ROBO2: variants seen among roughly 807,000 people sequenced by gnomAD.
ROBO2 encodes roundabout homolog 2.
Under a neutral mutation model 160.8 loss-of-function variants are expected in ROBO2, and 53 were observed. The ratio of observed to expected loss-of-function variants is 0.33; its 90% CI spans 0.26 to 0.41. ROBO2 has a LOEUF of 0.41. Ranked by LOEUF, ROBO2 falls within the 10% of genes least tolerant of loss-of-function variation. The probability of loss-of-function intolerance (pLI) is 1.00; values close to 1 mark genes in which losing one functional copy is unlikely to be tolerated. For synonymous variants in ROBO2, 664 were observed against 611.7 expected (o/e 1.09, Z -1.26); for missense variants, 1,577 against 1,722.4 (o/e 0.92, Z 1.49).
chr3:76,208,811 A>G (rs555344942), intron 2 of ROBO2, among the ~76,000 whole-genome samples: 72 of 152,254 alleles, frequency 4.7e-4, no homozygotes, highest in Middle Eastern at 6.8e-3. Context: ...AATGGCACGG[A>G]CATCTACCTA....
intron 1 of ROBO2, among the ~76,000 whole-genome samples, chr3:77,074,058 T>G (rs2067689130): frequency 6.6e-6 from 1 of 152,242 alleles, no homozygotes; most frequent in Non-Finnish European, 1.5e-5. Context: ...ACATCCTGAA[T>G]GTACAAATGA....
chr3:75,981,494 TGA>T (rs2065272508), intron 2 of ROBO2, among the ~76,000 whole-genome samples: 1 of 151,364 alleles, frequency 6.6e-6, no homozygotes, highest in South Asian at 2.1e-4. Context: ...CTACTATGTG[TGA>T]GAGATGTGGG....
intron 2 of ROBO2, among the ~76,000 whole-genome samples, chr3:77,233,671 T>A (rs2087533975): frequency 6.6e-6 from 1 of 152,224 alleles, no homozygotes; most frequent in Non-Finnish European, 1.5e-5. Flanking sequence ...TAATATTTAA[T>A]AATTGAAATC....
At chr3:77,492,884 G>A (rs772571490) in intron 4 of ROBO2, among the ~76,000 whole-genome samples, 9 of 151,966 alleles carry the variant, frequency 5.9e-5, no homozygotes, top group East Asian at 3.9e-4. Flanking sequence ...TTTGAACCCT[G>A]ATAATAGATT....
At chr3:77,512,665 A>G (rs2089541704) in intron 5 of ROBO2, among the ~76,000 whole-genome samples, 1 of 151,998 alleles carries the variant, frequency 6.6e-6, no homozygotes, top group Non-Finnish European at 1.5e-5. Context: ...AGAAAGCTCC[A>G]TAGTGAAATT....
chr3:76,709,171 T>C (rs1273419256), intron 2 of ROBO2, among the ~76,000 whole-genome samples: 1 of 152,206 alleles, frequency 6.6e-6, no homozygotes, highest in Non-Finnish European at 1.5e-5. Flanking sequence ...GAAAATTAGA[T>C]ATGCATTCCC....
chr3:76,250,984 G>A (rs543808137), intron 2 of ROBO2, among the ~76,000 whole-genome samples: 1 of 152,102 alleles, frequency 6.6e-6, no homozygotes, highest in South Asian at 2.1e-4. Flanking sequence ...AAGGTGATAA[G>A]ATACTTATGC....
intron 2 of ROBO2, among the ~76,000 whole-genome samples, chr3:77,336,805 A>C (rs914853318): frequency 6.6e-6 from 1 of 152,182 alleles, no homozygotes; most frequent in Non-Finnish European, 1.5e-5. Flanking sequence ...GCAAACAAAC[A>C]CTTGTGAATA....
At chr3:76,317,959 G>A (rs1174449546) in intron 2 of ROBO2, among the ~76,000 whole-genome samples, 1 of 151,742 alleles carries the variant, frequency 6.6e-6, no homozygotes, top group African/African-American at 2.4e-5. Flanking sequence ...TGTCATTTTT[G>A]TTAAACTTCT....
At chr3:76,857,911 T>C (rs1338290244) in intron 2 of ROBO2, among the ~76,000 whole-genome samples, 1 of 152,202 alleles carries the variant, frequency 6.6e-6, no homozygotes, top group Non-Finnish European at 1.5e-5. Flanking sequence ...AAGTTAGGGT[T>C]CCTTAAAAAG....
At chr3:76,807,108 G>A (rs1323427706) in intron 2 of ROBO2, among the ~76,000 whole-genome samples, 6 of 152,046 alleles carry the variant, frequency 3.9e-5, no homozygotes, top group African/African-American at 9.7e-5. Context: ...CAATTCTAAA[G>A]TGTTAGTCTT....
At chr3:77,429,612 GTTT>G (rs34071759) in intron 2 of ROBO2, among the ~76,000 whole-genome samples, 11,574 of 145,218 alleles carry the variant, frequency 0.08, 523 homozygotes, top group African/African-American at 0.11. Flanking sequence ...AAAAAGCAGG[GTTT>G]TTTTTTTTTT....
intron 2 of ROBO2, among the ~76,000 whole-genome samples, chr3:76,785,945 G>A (rs571916112): frequency 4.0e-5 from 6 of 151,398 alleles, no homozygotes; most frequent in African/African-American, 1.4e-4. Context: ...AGTACAGTGA[G>A]GATGTAGAGA....
intron 2 of ROBO2, among the ~76,000 whole-genome samples, chr3:76,307,315 C>T (rs1183764724): frequency 6.6e-6 from 1 of 152,234 alleles, no homozygotes; most frequent in Admixed American, 6.5e-5. Context: ...TTTCTCTTCT[C>T]TCTCACTGAA....
chr3:76,025,519 C>T (rs1297999656), intron 2 of ROBO2, among the ~76,000 whole-genome samples: 1 of 151,738 alleles, frequency 6.6e-6, no homozygotes. Context: ...TATCAATCAT[C>T]TATTTGTGAC....
chr3:76,906,643 G>GAGAAGTT (rs1360230640), intron 2 of ROBO2, among the ~76,000 whole-genome samples: 1 of 152,040 alleles, frequency 6.6e-6, no homozygotes, highest in African/African-American at 2.4e-5. Context: ...CTACGGCACA[G>GAGAAGTT]AGAAGTTAAA....
rs146312859 is a variant in ROBO2 at position 76,580,689 on chromosome 3, G to C, written c.110-517325G>C. Among the ~76,000 whole-genome samples, 45 of 151,986 alleles carry C rather than the reference G, an allele frequency of 3.0e-4. 1 individual carries two copies. The East Asian group carries it at 8.7e-3, about 29-fold the overall frequency. On this transcript the variant is annotated intron_variant, in intron 2 of 26. Transcript: ENST00000487694. ...GAGGCCCTTTATTTTAAAATACCAA[G>C]TGTTGTTCAACGTTTTAAACCTAGG...
intron 2 of ROBO2, among the ~76,000 whole-genome samples, chr3:77,391,453 A>G (rs182555452): frequency 2.0e-5 from 3 of 151,830 alleles, no homozygotes; most frequent in Non-Finnish European, 2.9e-5. Context: ...CTACAGGTGC[A>G]CACCTGTAGT....
intron 2 of ROBO2, among the ~76,000 whole-genome samples, chr3:76,569,672 T>A (rs2084840714): frequency 6.6e-6 from 1 of 152,194 alleles, no homozygotes; most frequent in Non-Finnish European, 1.5e-5. Context: ...AGTCATTATA[T>A]CTAGGTAACA....
Sources: gnomAD v4.1 joint callset for allele counts (sites outside exome capture counted in the v4.1 genomes callset) on GRCh38, gnomAD v4.1.1 for gene constraint, MANE v1.5 for transcripts, NCBI Gene and HGNC (gene_info 2026-07-23, HGNC 2026-07-21) for gene names.